ODAD2: variants seen among roughly 807,000 people sequenced by gnomAD.
The protein encoded by ODAD2 is outer dynein arm-docking complex subunit 2.
ODAD2 carries 89 observed loss-of-function variants against 106.8 expected under a neutral mutation model. The observed-to-expected ratio is 0.83, with a 90% CI of 0.70 to 0.99. The LOEUF (loss-of-function observed/expected upper bound fraction) is 0.99, where lower values mean the gene tolerates loss of function less well. ODAD2 is among the 50% of genes least tolerant of loss of function. The pLI is 0.00. For synonymous variants in ODAD2, 404 were observed against 436.2 expected, an observed-to-expected ratio of 0.93 and a Z score of 0.92; for missense variants, 1,168 against 1,238.5, an observed-to-expected ratio of 0.94 and a Z score of 0.85.
chr10:27,914,221 G>C (rs1206775173), intron 16 of ODAD2, among the ~76,000 whole-genome samples: 11 of 152,024 alleles, frequency 7.2e-5, no homozygotes, highest in Non-Finnish European at 2.9e-5. Context: ...AACACATCGA[G>C]AGGCACAAAA....
chr10:27,927,920 C>T (rs1044618955), intron 16 of ODAD2, among the ~76,000 whole-genome samples: 16 of 152,054 alleles, frequency 1.1e-4, no homozygotes, highest in Non-Finnish European at 2.4e-4. Context: ...ACATAAGTTA[C>T]CAAATATTCA....
intron 16 of ODAD2, among the ~76,000 whole-genome samples, chr10:27,924,248 A>C (rs895078931): frequency 6.6e-6 from 1 of 151,900 alleles, no homozygotes; most frequent in Admixed American, 6.6e-5. Context: ...AGTTAAAAAA[A>C]ATTTTAAAGA....
chr10:27,814,147 TG>T (rs1174339556), intron 19 of ODAD2, among the ~76,000 whole-genome samples: 1 of 151,308 alleles, frequency 6.6e-6, no homozygotes, highest in Non-Finnish European at 1.5e-5. Context: ...TTGGGCAAAA[TG>T]GGGGAAAAAA....
At chr10:27,979,802 T>C (rs1268759627) in intron 7 of ODAD2, among the ~76,000 whole-genome samples, 1 of 152,186 alleles carries the variant, frequency 6.6e-6, no homozygotes, top group African/African-American at 2.4e-5. Flanking sequence ...AAGCAATTCA[T>C]AAATTCAATG....
chr10:27,997,670 A>G (rs995868138), intron 1 of ODAD2, among the ~76,000 whole-genome samples: 1 of 152,188 alleles, frequency 6.6e-6, no homozygotes, highest in African/African-American at 2.4e-5. Flanking sequence ...GTTTAAGAAA[A>G]CCTCAGGGTG....
In ODAD2 at chr10:27,981,475, CAT is replaced by C. The variant is rs745490441; in HGVS notation, c.925_926del (p.Met309ValfsTer2). The C allele has an allele frequency of 7.3e-6, 11 of 1,509,348 alleles. No homozygotes were observed. In the South Asian group the frequency reaches 1.4e-4, roughly 19 times the overall value. 93.5% of individuals were successfully genotyped at this position (1,509,348 alleles called of 1,614,324 possible). ...REKSPKFSENMSKLGISFSED... is the reference protein window; with the variant it reads ...REKSPKFSENXSKLGISFSED... ...AAACCATAAAACTTACCAATTTAGA[CAT>C]ATTTTCTGAAAATTTTGGTGATTTT... is the stretch of plus-strand genomic sequence containing the variant. On this transcript the variant is annotated frameshift_variant, in exon 7 of 20. Transcript: ENST00000305242. LOFTEE classifies it high-confidence loss of function.
intron 19 of ODAD2, among the ~76,000 whole-genome samples, chr10:27,833,925 GGGAT>G (rs1837667263): frequency 1.3e-5 from 2 of 152,338 alleles, no homozygotes; most frequent in East Asian, 3.9e-4. Flanking sequence ...GTGTAACATG[GGGAT>G]TGGGAGAACA....
chr10:27,989,115 G>A (rs1327305560), intron 2 of ODAD2, among the ~76,000 whole-genome samples: 1 of 152,132 alleles, frequency 6.6e-6, no homozygotes, highest in Non-Finnish European at 1.5e-5. Context: ...CAACCCTGCC[G>A]ATACCTTGAT....
At chr10:27,833,285 CA>C (rs763728147) in intron 19 of ODAD2, among the ~76,000 whole-genome samples, 5 of 152,006 alleles carry the variant, frequency 3.3e-5, no homozygotes, top group Non-Finnish European at 7.4e-5. Context: ...CCCTAAAAAT[CA>C]TCAGCAATTT....
chr10:27,962,680 A>G (rs1848218363), intron 9 of ODAD2, among the ~76,000 whole-genome samples: 1 of 152,224 alleles, frequency 6.6e-6, no homozygotes, highest in Non-Finnish European at 1.5e-5. Context: ...CAACAGTATT[A>G]CAAGAGACTT....
At position 27,944,801 on chromosome 10, in the gene ODAD2, G is replaced by A. The variant is rs371535051; in HGVS notation, c.1533+15C>T. On this transcript the variant is annotated intron_variant, in intron 11 of 19. Transcript: ENST00000305242. ...GGGAACAAGACTCCGCATCCAAGGT[G>A]ACAGAGCCACTCACCTTACATTTGA... is the stretch of plus-strand genomic sequence containing the variant. 1.2e-6 allele frequency: 2 copies of A among 1,613,916 alleles called. No homozygotes were observed. The highest frequency in any genetic ancestry group is 2.7e-5 in the African/African-American group (2 of 74,900).
chr10:27,951,040 T>A (rs1181222422), intron 10 of ODAD2, among the ~76,000 whole-genome samples: 1 of 152,150 alleles, frequency 6.6e-6, no homozygotes, highest in Non-Finnish European at 1.5e-5. Context: ...AATAAAAATA[T>A]CTATGACTAA....
chr10:27,976,048 A>T (rs1259852007), intron 7 of ODAD2, among the ~76,000 whole-genome samples: 1 of 152,112 alleles, frequency 6.6e-6, no homozygotes, highest in Non-Finnish European at 1.5e-5. Flanking sequence ...AAAACACATG[A>T]TTCTCTCCAC....
At position 27,981,543 on chromosome 10, in the gene ODAD2, T is replaced by C; in HGVS notation, c.859A>G (p.Lys287Glu). Reference sequence around the variant, plus strand: ...ACAAGGTTTTTATAAATTGAACCTTTTCTCTCATAATTAACGTCCCCTTCA... The same window carrying C: ...ACAAGGTTTTTATAAATTGAACCTTCTCTCTCATAATTAACGTCCCCTTCA... ...DDEGDVNYER[K>E]GSIYKNLVTF... The change falls in exon 7 of 20, where the codon AAA (lysine) becomes GAA (glutamate). Residue 287 changes from lysine to glutamate, a missense_variant. Lys to Glu is a moderately conservative substitution (Grantham distance 56). Transcript: ENST00000305242. The C allele has an allele frequency of 6.5e-7, 1 of 1,541,024 alleles. No homozygotes were observed. Among genetic ancestry groups the C allele is most frequent in the Non-Finnish European group, 8.6e-7 (1 of 1,157,426 alleles).
intron 16 of ODAD2, among the ~76,000 whole-genome samples, chr10:27,925,400 C>G (rs1184674298): frequency 6.6e-6 from 1 of 152,208 alleles, no homozygotes; most frequent in Non-Finnish European, 1.5e-5. Flanking sequence ...CTCTGTCACC[C>G]AGGCTGGAGT....
intron 17 of ODAD2, among the ~76,000 whole-genome samples, chr10:27,901,897 C>T (rs542379071): frequency 1.2e-3 from 175 of 152,046 alleles, no homozygotes; most frequent in Non-Finnish European, 2.0e-3. Context: ...ATTAGATCAA[C>T]GAGACAGAAA....
rs1846340588 is a variant in ODAD2, at chr10:27,940,625, T to G, written c.1924A>C (p.Lys642Gln). 2 of 1,614,118 alleles carry G rather than the reference T, an allele frequency of 1.2e-6. No individual in the cohort carries two copies. The highest frequency in any genetic ancestry group is 1.7e-6 in the Non-Finnish European group (2 of 1,179,988). Residue 642 changes from lysine (K) to glutamine (Q), a missense_variant, in exon 13 of 20, where the codon AAG becomes CAG. Coordinates refer to ENST00000305242, the MANE Select transcript of ODAD2 (RefSeq NM_018076.5). ...GGIPLLARLL[K>Q]TSHENMLIPV... is the part of the protein sequence containing the mutation. The stretch of plus-strand genomic sequence containing the variant: ...ATTAGCATGTTTTCATGAGAAGTCT[T>G]CAGCAGCCGAGCCAACAGAGGAATG...
Position 27,983,582 on chromosome 10 carries a change from G to A in ODAD2, c.819+261C>T, listed in dbSNP as rs570650665. The stretch of plus-strand genomic sequence containing the variant: ...TGTAATGAATCAGTGAAGTGATTAC[G>A]TTAAAGACATTTATAAAGTGGAATG... On this transcript the variant is annotated intron_variant, in intron 6 of 19. Transcript: ENST00000305242. 2.2e-4 allele frequency among the ~76,000 whole-genome samples: 34 copies of A among 152,270 alleles called. No individual in the cohort carries two copies. In the South Asian group the frequency reaches 3.9e-3, roughly 18 times the overall value.
intron 19 of ODAD2, among the ~76,000 whole-genome samples, chr10:27,843,428 A>T (rs1838461196): frequency 6.6e-6 from 1 of 152,224 alleles, no homozygotes; most frequent in Non-Finnish European, 1.5e-5. Context: ...GCTGATGCAG[A>T]GTGGCTCTAC....
Sources: allele counts gnomAD v4.1 joint callset (sites outside exome capture counted in the v4.1 genomes callset), GRCh38; gene constraint gnomAD v4.1.1; transcripts MANE v1.5; gene names NCBI Gene and HGNC (gene_info 2026-07-23, HGNC 2026-07-21).